RHOBTB1: variants seen among roughly 807,000 people sequenced by gnomAD.
The protein encoded by RHOBTB1 is Rho related BTB domain containing 1.
A neutral mutation model predicts 71.6 loss-of-function variants in RHOBTB1; 40 were observed. The observed-to-expected ratio is 0.56, with a 90% CI of 0.43 to 0.73. The LOEUF is 0.73. Among genes scored for constraint, RHOBTB1 ranks in the 30% least tolerant of loss-of-function variants. The pLI is 0.00. For missense variants in RHOBTB1, 797 were observed against 894.0 expected (o/e 0.89, Z 1.38); for synonymous variants, 319 against 334.9 (o/e 0.95, Z 0.52).
intron 1 of RHOBTB1, among the ~76,000 whole-genome samples, chr10:60,989,242 A>G (rs973151830): frequency 2.6e-5 from 4 of 152,226 alleles, no homozygotes; most frequent in African/African-American, 7.2e-5. Context: ...TTAAAACACA[A>G]ATTTGACTGT....
chr10:60,987,919 CTTTTTTTTTTT>C (rs71018937), intron 1 of RHOBTB1, among the ~76,000 whole-genome samples: 1,257 of 53,728 alleles, frequency 0.023, 28 homozygotes, highest in Middle Eastern at 0.071. Context: ...AAATACTCAA[CTTTTTTTTTTT>C]TTTTTTTTTT....
intron 2 of RHOBTB1, among the ~76,000 whole-genome samples, chr10:60,926,066 G>A (rs899507055): frequency 2.0e-5 from 3 of 151,954 alleles, no homozygotes; most frequent in African/African-American, 4.8e-5. Context: ...CCCGTCCCCC[G>A]TCTCTACTAA....
intron 4 of RHOBTB1, among the ~76,000 whole-genome samples, chr10:60,905,574 GA>G (rs370568274): frequency 2.7e-4 from 40 of 150,082 alleles, no homozygotes; most frequent in African/African-American, 8.6e-4. Flanking sequence ...AGGCAGAAGG[GA>G]AAAAAAAACC....
At chr10:60,919,199 C>T (rs1385704784) in intron 2 of RHOBTB1, among the ~76,000 whole-genome samples, 2 of 152,140 alleles carry the variant, frequency 1.3e-5, no homozygotes. Context: ...TTTCTTATTC[C>T]TCCCAAAAGC....
At chr10:61,001,323 C>T (rs1057395679) in intron 1 of RHOBTB1, 17 of 151,980 alleles carry the variant, frequency 1.1e-4, no homozygotes, top group African/African-American at 3.9e-4. Context: ...AGAGACCCCC[C>T]ATAATCCCGC....
At chr10:60,990,149 A>T (rs2086810045) in intron 1 of RHOBTB1, among the ~76,000 whole-genome samples, 2 of 151,572 alleles carry the variant, frequency 1.3e-5, no homozygotes, top group Admixed American at 6.6e-5. Context: ...CGCCTGGATA[A>T]TTTTTTGTAT....
At chr10:60,985,717 TAATG>T (rs1221268147) in intron 2 of RHOBTB1, 2 of 152,196 alleles carry the variant, frequency 1.3e-5, no homozygotes, top group African/African-American at 4.8e-5. Flanking sequence ...TTGTGAAACA[TAATG>T]AAGACAATCT....
At chr10:60,867,761 T>C (rs2080643500), downstream of RHOBTB1, among the ~76,000 whole-genome samples, 1 of 152,248 alleles carries the variant, frequency 6.6e-6, no homozygotes, top group South Asian at 2.1e-4. Flanking sequence ...AATTTTCTAA[T>C]GCAGCCAAGG....
At chr10:60,863,740 C>T in the RHOBTB1 span, among the ~76,000 whole-genome samples, 1 of 152,152 alleles carries the variant, frequency 6.6e-6, no homozygotes, top group Non-Finnish European at 1.5e-5. Context: ...ACCGTGTTGG[C>T]CAGGCTGGTC....
chr10:60,974,855 T>A (rs1181142161), intron 2 of RHOBTB1, among the ~76,000 whole-genome samples: 1 of 152,058 alleles, frequency 6.6e-6, no homozygotes, highest in Non-Finnish European at 1.5e-5. Context: ...AAACATTAGT[T>A]CTCTTTTCTG....
intron 2 of RHOBTB1, among the ~76,000 whole-genome samples, chr10:60,915,259 A>C (rs1368268397): frequency 6.6e-6 from 1 of 152,138 alleles, no homozygotes; most frequent in African/African-American, 2.4e-5. Context: ...CTGATGGTTG[A>C]GTGTACTCTT....
intron 5 of RHOBTB1, among the ~76,000 whole-genome samples, chr10:60,891,452 C>T (rs1187475667): frequency 6.7e-6 from 1 of 150,114 alleles, no homozygotes; most frequent in Non-Finnish European, 1.5e-5. Context: ...GTGATCCTCC[C>T]ACCTCAGCCT....
At chr10:60,933,898 A>G (rs958025893) in intron 2 of RHOBTB1, among the ~76,000 whole-genome samples, 3 of 152,216 alleles carry the variant, frequency 2.0e-5, no homozygotes, top group African/African-American at 7.2e-5. Flanking sequence ...AAATTTACAG[A>G]ATAACACCAC....
At chr10:60,908,371 T>C (rs922078311) in intron 4 of RHOBTB1, among the ~76,000 whole-genome samples, 6 of 152,234 alleles carry the variant, frequency 3.9e-5, no homozygotes, top group African/African-American at 1.4e-4. Flanking sequence ...TTTTCAAGAA[T>C]AGGGAATGTA....
intron 2 of RHOBTB1, among the ~76,000 whole-genome samples, chr10:60,936,646 C>T (rs2084601437): frequency 6.6e-6 from 1 of 152,132 alleles, no homozygotes; most frequent in African/African-American, 2.4e-5. Context: ...AAGTGTGGTC[C>T]ACAGAACAGC....
At chr10:60,994,788 C>T (rs373589684) in intron 1 of RHOBTB1, among the ~76,000 whole-genome samples, 1 of 152,032 alleles carries the variant, frequency 6.6e-6, no homozygotes, top group East Asian at 1.9e-4. Flanking sequence ...TTAAACCAAT[C>T]TTGTATTGTT....
chr10:60,962,382 A>G (rs2085813138), intron 2 of RHOBTB1, among the ~76,000 whole-genome samples: 1 of 152,166 alleles, frequency 6.6e-6, no homozygotes, highest in African/African-American at 2.4e-5. Context: ...GTGCGCAGAC[A>G]TGACAGGGGA....
chr10:60,965,546 A>G (rs576788795), intron 2 of RHOBTB1, among the ~76,000 whole-genome samples: 1 of 152,212 alleles, frequency 6.6e-6, no homozygotes, highest in East Asian at 1.9e-4. Context: ...TTGTAAGAGA[A>G]TTAATTGGTG....
chr10:60,931,561 T>C (rs183044614), intron 2 of RHOBTB1, among the ~76,000 whole-genome samples: 66 of 152,194 alleles, frequency 4.3e-4, no homozygotes, highest in Non-Finnish European at 8.7e-4. Flanking sequence ...ATTACTTCTA[T>C]AATGAGAAAG....
Sources: gnomAD v4.1 joint callset for allele counts (sites outside exome capture counted in the v4.1 genomes callset) on GRCh38, gnomAD v4.1.1 for gene constraint, MANE v1.5 for transcripts, NCBI Gene and HGNC (gene_info 2026-07-23, HGNC 2026-07-21) for gene names.